SREBF2: variants seen among roughly 807,000 people sequenced by gnomAD.
SREBF2 encodes sterol regulatory element binding transcription factor 2.
SREBF2 carries 55 observed loss-of-function variants against 113.1 expected under a neutral mutation model. The observed-to-expected ratio is 0.49, with a 90% confidence interval of 0.39 to 0.61. The LOEUF (loss-of-function observed/expected upper bound fraction) is 0.61. SREBF2 is among the 20% of genes least tolerant of loss of function. The probability of loss-of-function intolerance (pLI) is 0.00; values close to 1 mark genes in which losing one functional copy is unlikely to be tolerated. For missense variants in SREBF2, 1,349 were observed against 1,487.4 expected (o/e 0.91, Z 1.53); for synonymous variants, 593 against 605.7 (o/e 0.98, Z 0.31).
At chr22:41,877,451 C>G (rs1259686221) in intron 8 of SREBF2, 30 bp downstream of exon 8, 1 of 1,611,016 alleles carries the variant, frequency 6.2e-7, no homozygotes, top group Non-Finnish European at 8.5e-7. Context: ...CCCACCTGGG[C>G]ATGGCTGGAC....
rs763841455 is a variant in SREBF2, at chr22:41,904,952, C to T, written c.3183C>T (p.Arg1061=). Residue 1061 remains arginine (R), a synonymous_variant, in exon 18 of 19, where the codon CGC becomes CGT. Coordinates refer to ENST00000361204, the MANE Select transcript of SREBF2 (RefSeq NM_004599.4). ...TGCTGGAACACAGCCTGCGGCGGCG[C>T]ACCACGCAGAGCACCAAGCACGGTG... ...HQLLEHSLRR[R]TTQSTKHGEV... 1 of 1,599,694 alleles carries T rather than the reference C, an allele frequency of 6.3e-7. No individual in the cohort carries two copies. Among genetic ancestry groups the T allele is most frequent in the Admixed American group, 1.7e-5 (1 of 59,086 alleles).
At chr22:41,864,261 T>TATACACAC (rs1204150898) in intron 1 of SREBF2, among the ~76,000 whole-genome samples, 17 of 50,998 alleles carry the variant, frequency 3.3e-4, no homozygotes, top group Non-Finnish European at 2.9e-4. Context: ...TATATATATA[T>TATACACAC]ACACACACAC....
At chr22:41,848,982 A>AGT (rs2076902822) in intron 1 of SREBF2, among the ~76,000 whole-genome samples, 1 of 152,226 alleles carries the variant, frequency 6.6e-6, no homozygotes, top group Admixed American at 6.5e-5. Flanking sequence ...AGGGAGCCAC[A>AGT]GTGTTAATGA....
chr22:41,874,082 A>T, intron 5 of SREBF2, 63 bp downstream of exon 5: 1 of 1,568,798 alleles, frequency 6.4e-7, no homozygotes, highest in Non-Finnish European at 8.8e-7. Context: ...TTTTTGCCTC[A>T]GGAGCCTAGA....
At chr22:41,852,481 C>T (rs1414872340) in intron 1 of SREBF2, among the ~76,000 whole-genome samples, 1 of 152,128 alleles carries the variant, frequency 6.6e-6, no homozygotes, top group Non-Finnish European at 1.5e-5. Flanking sequence ...TGCCTTTCTC[C>T]TTAAATCTGA....
In SREBF2 at chr22:41,893,133, G is replaced by T. The variant is rs148258168; in HGVS notation, c.2225G>T (p.Arg742Leu). The T allele has an allele frequency of 6.2e-7, 1 of 1,613,558 alleles. No individual in the cohort carries two copies. The highest frequency in any genetic ancestry group is 8.5e-7 in the Non-Finnish European group (1 of 1,180,040). The change falls in exon 12 of 19, where the codon CGA becomes CTA. Residue 742 changes from arginine to leucine, a missense_variant. Arg to Leu is a moderately radical substitution (Grantham distance 102, BLOSUM62 -2). Coordinates refer to ENST00000361204, the MANE Select transcript of SREBF2 (RefSeq NM_004599.4). ...CTTCCACAGAGCTACTTCCTCAGCC[G>T]AGCCCAGAGCCTGTGTGGCCCCGAG... ...LGFLASYFLS[R>L]AQSLCGPEHS...
At chr22:41,901,124 C>T (rs1385127419) in intron 16 of SREBF2, 1 of 379,422 alleles carries the variant, frequency 2.6e-6, no homozygotes, top group African/African-American at 2.1e-5. Context: ...CACAGCCATC[C>T]CAGGAAACAG....
chr22:41,874,834 G>A (rs545616352), intron 5 of SREBF2, among the ~76,000 whole-genome samples: 88 of 152,274 alleles, frequency 5.8e-4, no homozygotes, highest in African/African-American at 2.0e-3. Context: ...TTGAACCTGG[G>A]AGGCAGAGGT....
intron 1 of SREBF2, among the ~76,000 whole-genome samples, chr22:41,864,261 T>TATATATATACACACACACAC (rs1204150898): frequency 5.9e-5 from 3 of 51,014 alleles, no homozygotes; most frequent in African/African-American, 1.5e-4. Flanking sequence ...TATATATATA[T>TATATATATACACACACACAC]ACACACACAC....
rs1023725140 is a variant in SREBF2, at chr22:41,871,141, C to G, written c.867+106C>G. 6 of 1,452,750 alleles carry G rather than the reference C, an allele frequency of 4.1e-6. No individual in the cohort carries two copies. In the South Asian group the frequency reaches 4.9e-5, roughly 12 times the overall value. 90.0% of individuals were successfully genotyped at this position (1,452,750 alleles called of 1,614,324 possible). The stretch of plus-strand genomic sequence containing the variant: ...ATATGCTGAGTAGGTATGGGAGGGT[C>G]TATAGCACAAATCAGTCAAATTGTA... On this transcript the variant is annotated intron_variant, in intron 4 of 18. Coordinates refer to ENST00000361204, the MANE Select transcript of SREBF2 (RefSeq NM_004599.4).
In SREBF2 at chr22:41,880,835, C is replaced by T; in HGVS notation, c.1881C>T (p.Ser627=). Reference sequence around the variant, plus strand: ...TCTCCTGGAACGTGATCCGCTACAGCCTGCAGAAGCTACGCCTGGTGCGCT... The same window carrying T: ...TCTCCTGGAACGTGATCCGCTACAGTCTGCAGAAGCTACGCCTGGTGCGCT... ...CSLSWNVIRY[S]LQKLRLVRWL... Residue 627 remains serine, a synonymous_variant, in exon 10 of 19, where the codon AGC becomes AGT. Transcript: ENST00000361204. 1.2e-6 allele frequency: 2 copies of T among 1,614,188 alleles called. No individual in the cohort carries two copies. The highest frequency in any genetic ancestry group is 2.2e-5 in the South Asian group (2 of 91,084).
chr22:41,839,493 A>G (rs1486454158), intron 1 of SREBF2, among the ~76,000 whole-genome samples: 1 of 152,094 alleles, frequency 6.6e-6, no homozygotes. Flanking sequence ...TGGTATTAGG[A>G]GGCCAAACCT....
At chr22:41,857,626 TAA>T (rs2076989704) in intron 1 of SREBF2, among the ~76,000 whole-genome samples, 1 of 152,212 alleles carries the variant, frequency 6.6e-6, no homozygotes, top group Non-Finnish European at 1.5e-5. Context: ...TCTTTGCCAG[TAA>T]AAGAGTTCAC....
At chr22:41,846,644 A>G (rs1602271968) in intron 1 of SREBF2, among the ~76,000 whole-genome samples, 2 of 152,146 alleles carry the variant, frequency 1.3e-5, no homozygotes, top group African/African-American at 4.8e-5. Context: ...CCATCTCTCC[A>G]TTTTGCACCG....
chr22:41,853,991 C>T (rs7286071), intron 1 of SREBF2, among the ~76,000 whole-genome samples: 13,690 of 147,942 alleles, frequency 0.093, 1,027 homozygotes, highest in African/African-American at 0.21. Flanking sequence ...GCTGAGATCA[C>T]GCCACTGCAC....
Position 41,900,498 on chromosome 22 carries a change from C to T in SREBF2, c.2907C>T (p.His969=), listed in dbSNP as rs138267067. 13 of 1,612,580 alleles carry T rather than the reference C, an allele frequency of 8.1e-6. No homozygotes were observed. Among genetic ancestry groups the T allele is most frequent in the African/African-American group, 2.7e-5 (2 of 74,900 alleles). ...SGATSDPALN[H]VVQLLTCDLL... ...CCACCTCTGACCCTGCCCTCAACCA[C>T]GTGAGTGGGAGCTGAGTTGGCCCCT... Residue 969 remains histidine (H), a splice_region_variant and synonymous_variant, in exon 16 of 19, where the codon CAC becomes CAT. Transcript: ENST00000361204.
At chr22:41,889,709 A>C (rs2077338047) in intron 11 of SREBF2, among the ~76,000 whole-genome samples, 1 of 147,398 alleles carries the variant, frequency 6.8e-6, no homozygotes, top group Non-Finnish European at 1.5e-5. Flanking sequence ...ATTAAAAAAA[A>C]AAAAAAAGAG....
In SREBF2 at chr22:41,888,480, C is replaced by T. The variant is rs2148405738; in HGVS notation, c.2208+3469C>T. On this transcript the variant is annotated intron_variant, in intron 11 of 18. Coordinates refer to ENST00000361204, the MANE Select transcript of SREBF2 (RefSeq NM_004599.4). ...GGTCTGCCTCCAGATCTAGTCTGTT[C>T]CACTGCACCATCACCACCCAACCCT... Among the ~76,000 whole-genome samples, 2 of 152,202 alleles carry T rather than the reference C, an allele frequency of 1.3e-5. 1 individual carries two copies. Among genetic ancestry groups the T allele is most frequent in the South Asian group, 4.1e-4 (2 of 4,822 alleles).
Position 41,907,241 on chromosome 22 carries a change from TG to T in SREBF2, c.*1582del, listed in dbSNP as rs1271776314. 2.0e-5 allele frequency: 3 copies of T among 149,766 alleles called. No homozygotes were observed. Among genetic ancestry groups the T allele is most frequent in the Non-Finnish European group, 2.9e-5 (2 of 68,130 alleles). 9.3% of individuals were successfully genotyped at this position (149,766 alleles called of 1,614,324 possible). A position where few individuals can be genotyped will look rare whatever the true frequency, so the allele number is the denominator to read the frequency against. ...AAGGGGGGTACACCTATAGCTTTCTTGATGTTCAATCAATCAGTCACTGTGT... is the reference window on the plus strand; with the variant it reads ...AAGGGGGGTACACCTATAGCTTTCTTATGTTCAATCAATCAGTCACTGTGT... On this transcript the variant is annotated 3_prime_UTR_variant, in exon 19 of 19. Transcript: ENST00000361204.
Sources: gnomAD v4.1 joint callset for allele counts (sites outside exome capture counted in the v4.1 genomes callset) on GRCh38, gnomAD v4.1.1 for gene constraint, MANE v1.5 for transcripts, NCBI Gene and HGNC (gene_info 2026-07-23, HGNC 2026-07-21) for gene names.